BMP1: variants seen among roughly 807,000 people sequenced by gnomAD.
BMP1 encodes bone morphogenetic protein 1.
BMP1 carries 63 observed loss-of-function variants against 116.8 expected under a neutral mutation model. The observed-to-expected ratio is 0.54, with a 90% confidence interval of 0.44 to 0.67. The LOEUF (loss-of-function observed/expected upper bound fraction) is 0.67, where lower values mean the gene tolerates loss of function less well. BMP1 is among the 30% of genes least tolerant of loss of function. The probability of loss-of-function intolerance (pLI) is 0.00; values close to 1 mark genes in which losing one functional copy is unlikely to be tolerated. For missense variants in BMP1, 1,183 were observed against 1,358.9 expected (o/e 0.87, Z 2.04); for synonymous variants, 536 against 533.4 (o/e 1.00, Z -0.07).
chr8:22,176,830 C>T, intron 4 of BMP1, 131 bp from the exon 5 acceptor site: 1 of 961,932 alleles, frequency 1.0e-6, no homozygotes, highest in Non-Finnish European at 1.6e-6. Context: ...ACAGCCTGGG[C>T]ACTCGGTGCT....
At chr8:22,201,775 G>A (rs1829268424) in intron 15 of BMP1, 28 bp from the exon 16 acceptor site, 1 of 1,611,306 alleles carries the variant, frequency 6.2e-7, no homozygotes, top group Non-Finnish European at 8.5e-7. Context: ...CACAGACCCA[G>A]CGTCTGCCCT....
intron 15 of BMP1, among the ~76,000 whole-genome samples, chr8:22,200,203 G>T (rs1466462356): frequency 6.6e-6 from 1 of 152,226 alleles, no homozygotes; most frequent in East Asian, 1.9e-4. Flanking sequence ...GTGACCAAGT[G>T]CACTTCTGTG....
chr8:22,198,133 G>A (rs1236559666), intron 15 of BMP1, among the ~76,000 whole-genome samples: 1 of 152,184 alleles, frequency 6.6e-6, no homozygotes, highest in Admixed American at 6.5e-5. Context: ...TGTAGTGAAC[G>A]ATGATCTCGT....
chr8:22,211,677 C>T lies in BMP1; in HGVS notation c.2910C>T (p.His970=), dbSNP rs1829464279. 2 of 1,614,080 alleles carry T rather than the reference C, an allele frequency of 1.2e-6. No homozygotes were observed. The highest frequency in any genetic ancestry group is 1.7e-6 in the Non-Finnish European group (2 of 1,180,030). ...ACACCATCACCAAAAAAGGTTTCCA[C>T]CTGCGATACACCAGCACCAAGTTCC... ...SDDTITKKGF[H]LRYTSTKFQD... The change falls in exon 20 of 20, where the codon CAC becomes CAT. Residue 970 remains histidine, a synonymous_variant. Transcript: ENST00000306385.
Position 22,211,703 on chromosome 8 carries a change from A to G in BMP1, c.2936A>G (p.Gln979Arg). ...CTGCGATACACCAGCACCAAGTTCC[A>G]GGACACACTCCACAGCAGGAAGTGA... ...FHLRYTSTKFQDTLHSRK is the reference protein window; with the variant it reads ...FHLRYTSTKFRDTLHSRK The change falls in exon 20 of 20, where the codon CAG becomes CGG. Residue 979 changes from glutamine (Q) to arginine (R), a missense_variant. By Grantham distance (43) the Gln-to-Arg change is conservative. This residue lies in a region of BMP1 where 956 missense variants were observed against 1,135.2 expected (regional missense o/e 0.84). Transcript: ENST00000306385. The G allele has an allele frequency of 6.2e-7, 1 of 1,614,134 alleles. No homozygotes were observed. The highest frequency in any genetic ancestry group is 8.5e-7 in the Non-Finnish European group (1 of 1,180,012).
At chr8:22,175,437 T>C (rs1340768041) in intron 2 of BMP1, among the ~76,000 whole-genome samples, 1 of 152,232 alleles carries the variant, frequency 6.6e-6, no homozygotes, top group Non-Finnish European at 1.5e-5. Flanking sequence ...TTGCTATTTA[T>C]GGAAGTTATA....
At chr8:22,207,010 C>T (rs149883770) in intron 17 of BMP1, 29 bp downstream of exon 17, 465 of 1,612,012 alleles carry the variant, frequency 2.9e-4, no homozygotes, top group South Asian at 1.0e-3. Flanking sequence ...ACTCCTTATG[C>T]GGTGTGGCTG....
At position 22,207,580 on chromosome 8, in the gene BMP1, G is replaced by A. The variant is rs541807820; in HGVS notation, c.2575+64G>A. 42 of 1,567,392 alleles carry A rather than the reference G, an allele frequency of 2.7e-5. No homozygotes were observed. In the African/African-American group the frequency reaches 4.9e-4, roughly 18 times the overall value. ...TCTCCAAGACTGGGGTAGAGTCGGG[G>A]GTTTCAATGCGGGTATGAAGGTACA... On this transcript the variant is annotated intron_variant, in intron 18 of 19. Transcript: ENST00000306385.
intron 1 of BMP1, among the ~76,000 whole-genome samples, chr8:22,172,127 G>A (rs1052717605): frequency 2.6e-4 from 39 of 152,172 alleles, no homozygotes; most frequent in Non-Finnish European, 3.7e-4. Context: ...AAGTCTTCAA[G>A]GTTAAAACAA....
chr8:22,201,510 C>T (rs1829262728), intron 15 of BMP1: 10 of 1,400,746 alleles, frequency 7.1e-6, no homozygotes, highest in Non-Finnish European at 9.2e-6. Flanking sequence ...TCTATTTTTC[C>T]ACTTGTCCAT....
At chr8:22,205,355 G>A (rs1009368769) in intron 16 of BMP1, among the ~76,000 whole-genome samples, 6 of 152,170 alleles carry the variant, frequency 3.9e-5, no homozygotes, top group Non-Finnish European at 5.9e-5. Flanking sequence ...GTGCAGAGCC[G>A]GGGATGCAGG....
intron 2 of BMP1, among the ~76,000 whole-genome samples, chr8:22,175,070 G>A (rs1036069141): frequency 6.6e-6 from 1 of 152,210 alleles, no homozygotes; most frequent in African/African-American, 2.4e-5. Flanking sequence ...ATTGGAGGGT[G>A]ACCTGGTGGC....
At chr8:22,170,151 C>A in intron 1 of BMP1, 1 of 152,982 alleles carries the variant, frequency 6.5e-6, no homozygotes, top group Non-Finnish European at 1.5e-5. Flanking sequence ...AGCTCAGCAG[C>A]CAGGGCCATG....
chr8:22,191,896 C>T (rs576203332), intron 8 of BMP1, among the ~76,000 whole-genome samples, 153 bp from the exon 9 acceptor site: 6 of 152,324 alleles, frequency 3.9e-5, no homozygotes, highest in East Asian at 3.9e-4. Context: ...GGAGGAGGGG[C>T]GGTTCTGTGC....
chr8:22,185,855 G>A (rs187567098), intron 8 of BMP1, among the ~76,000 whole-genome samples: 1 of 106,922 alleles, frequency 9.4e-6, no homozygotes, highest in Admixed American at 1.1e-4. Context: ...TTTTTTTTGA[G>A]ACGAAGTCTT....
At position 22,211,822 on chromosome 8, in the gene BMP1, C is replaced by CT. The variant is rs1829467612; in HGVS notation, c.*95dup. 1.9e-6 allele frequency: 3 copies of CT among 1,580,800 alleles called. No individual in the cohort carries two copies. Among genetic ancestry groups the CT allele is most frequent in the East Asian group, 4.5e-5 (2 of 44,540 alleles). On this transcript the variant is annotated 3_prime_UTR_variant, in exon 20 of 20. Transcript: ENST00000306385. ...GGGCGGAAGGCAACGCACCATCCCT[C>CT]TCCCCCAGGCCCCAGGACCTGCAGG...
chr8:22,206,764 A>C (rs1829364502), intron 16 of BMP1, 90 bp from the exon 17 acceptor site: 1 of 1,552,488 alleles, frequency 6.4e-7, no homozygotes. Flanking sequence ...GGAAGAAAGG[A>C]GGGGGGGCAG....
At chr8:22,193,017 G>T (rs558839014) in intron 9 of BMP1, among the ~76,000 whole-genome samples, 2 of 152,124 alleles carry the variant, frequency 1.3e-5, no homozygotes, top group African/African-American at 4.8e-5. Context: ...ACTTCCTCTC[G>T]TAGACGTGTT....
At chr8:22,177,740 G>A in intron 5 of BMP1, 112 bp from the exon 6 acceptor site, 2 of 871,474 alleles carry the variant, frequency 2.3e-6, no homozygotes, top group Non-Finnish European at 3.9e-6. Context: ...CAGGTAGGGG[G>A]ACTCTCTCAG....
Sources: gnomAD v4.1 joint callset for allele counts (sites outside exome capture counted in the v4.1 genomes callset) on GRCh38, gnomAD v4.1.1 for gene constraint, gnomAD v4.1.1 regional missense constraint, MANE v1.5 for transcripts, NCBI Gene and HGNC (gene_info 2026-07-23, HGNC 2026-07-21) for gene names.